Variants in PDE1C observed in about 807,000 individuals in gnomAD.
PDE1C encodes dual specificity calcium/calmodulin-dependent 3',5'-cyclic nucleotide phosphodiesterase 1C.
Under a neutral mutation model 93.1 loss-of-function variants are expected in PDE1C, and 62 were observed. The ratio of observed to expected loss-of-function variants is 0.67; its 90% confidence interval spans 0.54 to 0.82. The LOEUF (loss-of-function observed/expected upper bound fraction) is 0.82. Ranked by LOEUF, PDE1C falls within the 40% of genes least tolerant of loss-of-function variation. The pLI, the probability that PDE1C is intolerant of heterozygous loss-of-function variation, is 0.00. For synonymous variants in PDE1C, 325 were observed against 310.1 expected (o/e 1.05, Z -0.50); for missense variants, 742 against 884.6 (o/e 0.84, Z 2.04).
At chr7:31,623,508 C>G in the PDE1C span, among the ~76,000 whole-genome samples, 1 of 151,838 alleles carries the variant, frequency 6.6e-6, no homozygotes, top group African/African-American at 2.4e-5. Flanking sequence ...AAAAATGACA[C>G]GATTATCTCA....
chr7:31,965,104 C>G (rs890212871), intron 2 of PDE1C, among the ~76,000 whole-genome samples: 1 of 152,070 alleles, frequency 6.6e-6, no homozygotes, highest in African/African-American at 2.4e-5. Context: ...CAATGCTGGA[C>G]GGAGAATGAC....
chr7:32,131,095 T>C (rs1312055732), intron 3 of PDE1C, among the ~76,000 whole-genome samples: 1 of 152,156 alleles, frequency 6.6e-6, no homozygotes, highest in East Asian at 1.9e-4. Context: ...GATCTCTTCA[T>C]GGTTTCTCTA....
chr7:32,203,988 C>T (rs1805220311), intron 2 of PDE1C, among the ~76,000 whole-genome samples: 1 of 152,152 alleles, frequency 6.6e-6, no homozygotes, highest in Non-Finnish European at 1.5e-5. Context: ...GCTGGCTTCT[C>T]TGTGGTGTAT....
At chr7:31,897,648 C>T (rs1447455429) in intron 2 of PDE1C, among the ~76,000 whole-genome samples, 1 of 152,178 alleles carries the variant, frequency 6.6e-6, no homozygotes, top group Non-Finnish European at 1.5e-5. Context: ...TTTTCTGTCT[C>T]TCTCTGGACA....
chr7:31,759,877 G>C (rs1310288186), intron 17 of PDE1C, among the ~76,000 whole-genome samples: 2 of 150,362 alleles, frequency 1.3e-5, no homozygotes, highest in Non-Finnish European at 1.5e-5. Flanking sequence ...CTCTCTCTCT[G>C]TCTCTCTCTC....
At chr7:31,964,482 C>A (rs1809570623) in intron 2 of PDE1C, among the ~76,000 whole-genome samples, 2 of 152,246 alleles carry the variant, frequency 1.3e-5, no homozygotes, top group African/African-American at 4.8e-5. Context: ...GTGGAGACCA[C>A]CACAGCTCAA....
intron 3 of PDE1C, among the ~76,000 whole-genome samples, chr7:32,122,411 A>G (rs1487162388): frequency 6.6e-6 from 1 of 152,236 alleles, no homozygotes; most frequent in Non-Finnish European, 1.5e-5. Context: ...TCAACAGAAT[A>G]TATGTTCTTC....
At chr7:31,678,977 A>G in the PDE1C span, among the ~76,000 whole-genome samples, 1 of 152,230 alleles carries the variant, frequency 6.6e-6, no homozygotes, top group Non-Finnish European at 1.5e-5. Flanking sequence ...GAATGTAAGA[A>G]AAGTTTCCCT....
chr7:31,778,039 T>C (rs923432878), intron 16 of PDE1C, among the ~76,000 whole-genome samples: 9 of 152,194 alleles, frequency 5.9e-5, no homozygotes, highest in African/African-American at 2.2e-4. Context: ...CTCCAGGGAA[T>C]GGAGCCAGCA....
In PDE1C at chr7:32,116,376, T is replaced by C. The variant is rs143299290; in HGVS notation, c.308+53409A>G. Among the ~76,000 whole-genome samples the C allele has an allele frequency of 2.1e-3, 318 of 152,190 alleles. 1 individual carries two copies. Among genetic ancestry groups the C allele is most frequent in the African/African-American group, 7.5e-3 (310 of 41,548 alleles). ...GTACTCAGAAAACCCCATAAGATAA[T>C]ACACCTGCTATTCTCGGGGGAATAG... On this transcript the variant is annotated intron_variant, in intron 3 of 18. Transcript: ENST00000396193.
chr7:31,638,815 C>T, the PDE1C span, among the ~76,000 whole-genome samples: 422 of 152,190 alleles, frequency 2.8e-3, 4 homozygotes, highest in African/African-American at 9.8e-3. Flanking sequence ...CTTGCTCTGT[C>T]GCCCAGGCTG....
intron 16 of PDE1C, among the ~76,000 whole-genome samples, chr7:31,806,724 G>A (rs1236429594): frequency 6.6e-6 from 1 of 151,810 alleles, no homozygotes; most frequent in East Asian, 1.9e-4. Context: ...TTCACATTGG[G>A]CATGAATTGT....
At chr7:31,837,323 C>T (rs1030195797) in intron 10 of PDE1C, 23 bp from the exon 11 acceptor site, 5 of 1,593,506 alleles carry the variant, frequency 3.1e-6, no homozygotes, top group East Asian at 2.3e-5. Flanking sequence ...AGCACCCAAA[C>T]ACATGATAAC....
intron 2 of PDE1C, among the ~76,000 whole-genome samples, chr7:31,924,489 T>G (rs1398882764): frequency 6.6e-6 from 1 of 152,218 alleles, no homozygotes; most frequent in Non-Finnish European, 1.5e-5. Flanking sequence ...GCTTGTTGCC[T>G]TATAGGCATC....
At chr7:31,731,882 G>A in the PDE1C span, among the ~76,000 whole-genome samples, 1 of 152,210 alleles carries the variant, frequency 6.6e-6, no homozygotes, top group Non-Finnish European at 1.5e-5. Context: ...GACTACTTCT[G>A]CATGGTTTAC....
At chr7:31,738,844 A>C in the PDE1C span, among the ~76,000 whole-genome samples, 7 of 152,296 alleles carry the variant, frequency 4.6e-5, no homozygotes, top group East Asian at 1.2e-3. Context: ...CAGGTAGACC[A>C]GGATGGTAAT....
chr7:31,620,827 C>A, the PDE1C span, among the ~76,000 whole-genome samples: 1 of 152,068 alleles, frequency 6.6e-6, no homozygotes, highest in African/African-American at 2.4e-5. Context: ...GGAGGAAATT[C>A]AAACCAAAGG....
At chr7:32,289,040 A>G (rs1010214417) in intron 1 of PDE1C, among the ~76,000 whole-genome samples, 4 of 152,228 alleles carry the variant, frequency 2.6e-5, no homozygotes, top group African/African-American at 9.7e-5. Context: ...AACTTTACAT[A>G]TGTCACATCA....
chr7:31,797,061 C>T (rs1248260165), intron 16 of PDE1C, among the ~76,000 whole-genome samples: 1 of 151,676 alleles, frequency 6.6e-6, no homozygotes, highest in Non-Finnish European at 1.5e-5. Context: ...CTTTAGAAAA[C>T]ACCTGCTAAA....
Sources: gnomAD v4.1 joint callset for allele counts (sites outside exome capture counted in the v4.1 genomes callset) on GRCh38, gnomAD v4.1.1 for gene constraint, MANE v1.5 for transcripts, NCBI Gene and HGNC (gene_info 2026-07-23, HGNC 2026-07-21) for gene names.